The following CYYR1 variants were observed in gnomAD, a reference collection of about 807,000 sequenced individuals.
CYYR1 encodes the protein cysteine and tyrosine rich 1, also known as cysteine and tyrosine-rich protein 1.
CYYR1 carries 14 observed loss-of-function variants against 15.2 expected under a neutral mutation model. The observed-to-expected ratio is 0.92, with a 90% CI of 0.61 to 1.44. The LOEUF is 1.44. CYYR1 is among the 40% of genes most tolerant of loss of function. The pLI, the probability that CYYR1 is intolerant of heterozygous loss-of-function variation, is 0.00. For synonymous variants in CYYR1, 80 were observed against 77.4 expected (o/e 1.03, Z -0.18); for missense variants, 228 against 209.5 (o/e 1.09, Z -0.54).
chr21:26,564,439 T>G (rs980154137), intron 2 of CYYR1, among the ~76,000 whole-genome samples: 3 of 152,104 alleles, frequency 2.0e-5, no homozygotes, highest in African/African-American at 4.8e-5. Flanking sequence ...GAAACACGAT[T>G]TTTTCCCCCA....
intron 2 of CYYR1, among the ~76,000 whole-genome samples, chr21:26,533,850 T>G (rs1013323811): frequency 6.6e-6 from 1 of 152,088 alleles, no homozygotes; most frequent in East Asian, 1.9e-4. Context: ...AAACACAAAT[T>G]TACATAAAAA....
At chr21:26,564,846 G>A in intron 2 of CYYR1, 1 of 1,183,952 alleles carries the variant, frequency 8.4e-7, no homozygotes, top group Non-Finnish European at 1.1e-6. Flanking sequence ...GAGACAGTTT[G>A]AGAAAAAAAA....
chr21:26,546,125 T>C (rs1978961288), intron 2 of CYYR1, among the ~76,000 whole-genome samples: 1 of 152,214 alleles, frequency 6.6e-6, no homozygotes, highest in Non-Finnish European at 1.5e-5. Flanking sequence ...TCCTCTAACA[T>C]GATGGATTGT....
intron 1 of CYYR1, among the ~76,000 whole-genome samples, chr21:26,569,892 C>T (rs530520207): frequency 6.6e-6 from 1 of 152,304 alleles, no homozygotes; most frequent in Non-Finnish European, 1.5e-5. Context: ...TGGATTATAC[C>T]TGCAGCAAAC....
intron 2 of CYYR1, among the ~76,000 whole-genome samples, chr21:26,491,037 T>C (rs577470607): frequency 2.0e-5 from 3 of 152,280 alleles, no homozygotes; most frequent in East Asian, 3.9e-4. Flanking sequence ...CTATGGGTGA[T>C]TGCATTCTGC....
intron 2 of CYYR1, among the ~76,000 whole-genome samples, chr21:26,513,735 G>T (rs2065682297): frequency 6.6e-6 from 1 of 152,038 alleles, no homozygotes; most frequent in Admixed American, 6.6e-5. Context: ...GTCTTAGAAA[G>T]ATCAGGGCTC....
In CYYR1 at chr21:26,537,271, A is replaced by AG. The variant is rs879019138; in HGVS notation, c.176+28994dup. Among the ~76,000 whole-genome samples, 13 of 152,294 alleles carry AG rather than the reference A, an allele frequency of 8.5e-5. No individual in the cohort carries two copies. In the South Asian group the frequency reaches 2.7e-3, roughly 32 times the overall value. On this transcript the variant is annotated intron_variant, in intron 2 of 3. Transcript: ENST00000652641. ...CCAGTGAACTCATGCATAAGGTAAA[A>AG]GCTCAGACCTTAAGGGATACAAGTC...
intron 2 of CYYR1, chr21:26,550,791 G>C (rs769762242): frequency 6.6e-6 from 1 of 152,192 alleles, no homozygotes; most frequent in Non-Finnish European, 1.5e-5. Context: ...AACATACAAC[G>C]CGAAGCAACA....
At chr21:26,487,784 G>A (rs2123428804) in intron 2 of CYYR1, among the ~76,000 whole-genome samples, 1 of 151,758 alleles carries the variant, frequency 6.6e-6, no homozygotes, top group South Asian at 2.1e-4. Flanking sequence ...ATGTATACGT[G>A]TATCAGATAA....
At chr21:26,525,724 AC>A (rs1175699373) in intron 2 of CYYR1, among the ~76,000 whole-genome samples, 1 of 152,080 alleles carries the variant, frequency 6.6e-6, no homozygotes, top group African/African-American at 2.4e-5. Flanking sequence ...GGGCTATCTG[AC>A]CCCCCAAATC....
At chr21:26,499,333 G>T (rs1019769681) in intron 2 of CYYR1, among the ~76,000 whole-genome samples, 2 of 152,212 alleles carry the variant, frequency 1.3e-5, no homozygotes, top group Non-Finnish European at 2.9e-5. Flanking sequence ...TAGAGGCAGA[G>T]ATTTCAGCAT....
At chr21:26,534,530 G>C (rs907769775) in intron 2 of CYYR1, among the ~76,000 whole-genome samples, 2 of 152,070 alleles carry the variant, frequency 1.3e-5, no homozygotes, top group African/African-American at 4.8e-5. Flanking sequence ...GCCTGGCACA[G>C]GAGACTGGAG....
intron 2 of CYYR1, among the ~76,000 whole-genome samples, chr21:26,498,096 T>G (rs896345982): frequency 6.6e-6 from 1 of 152,214 alleles, no homozygotes; most frequent in Non-Finnish European, 1.5e-5. Context: ...TCTTCATATA[T>G]TCACTTACTA....
At chr21:26,483,696 C>T (rs1300525390) in intron 2 of CYYR1, among the ~76,000 whole-genome samples, 4 of 152,072 alleles carry the variant, frequency 2.6e-5, no homozygotes, top group Admixed American at 6.6e-5. Flanking sequence ...TTCGCTTTGT[C>T]GGCTGTCTTT....
chr21:26,506,075 C>CA (rs2065557299), intron 2 of CYYR1, among the ~76,000 whole-genome samples: 1 of 152,166 alleles, frequency 6.6e-6, no homozygotes, highest in Admixed American at 6.5e-5. Context: ...TCCGTCATCT[C>CA]AATAGGCCCA....
chr21:26,564,812 T>A, intron 2 of CYYR1: 1 of 1,249,390 alleles, frequency 8.0e-7, no homozygotes, highest in South Asian at 1.4e-5. Flanking sequence ...CACCTCTACC[T>A]GGGACAGCAG....
At position 26,573,139 on chromosome 21, in the gene CYYR1, C is replaced by T; in HGVS notation, c.-199G>A. ...CCAGCGACTGCGGGACTCCGCGGAG[C>T]TGGGGCGCCCGTGGCCCGAGACGGG... On this transcript the variant is annotated 5_prime_UTR_variant, in exon 1 of 4. Transcript: ENST00000652641. 6.7e-7 allele frequency: 1 copy of T among 1,495,560 alleles called. No homozygotes were observed. The highest frequency in any genetic ancestry group is 8.9e-7 in the Non-Finnish European group (1 of 1,127,398). The allele number at this position is 1,495,560 out of a possible 1,614,324, so 92.6% of individuals were successfully genotyped here. A position where few individuals can be genotyped will look rare whatever the true frequency, so the allele number is the denominator to read the frequency against.
At chr21:26,473,450 A>T (rs2065061369) in intron 3 of CYYR1, among the ~76,000 whole-genome samples, 1 of 152,104 alleles carries the variant, frequency 6.6e-6, no homozygotes, top group Admixed American at 6.5e-5. Context: ...CATCAAGACA[A>T]ATTCCATCAA....
intron 2 of CYYR1, among the ~76,000 whole-genome samples, chr21:26,537,792 A>G (rs1188060750): frequency 2.0e-5 from 3 of 152,106 alleles, no homozygotes; most frequent in Non-Finnish European, 4.4e-5. Context: ...ATTTGATGGT[A>G]TCAGGAGGTG....
Sources: allele counts gnomAD v4.1 joint callset (sites outside exome capture counted in the v4.1 genomes callset), GRCh38; gene constraint gnomAD v4.1.1; transcripts MANE v1.5; gene names NCBI Gene and HGNC (gene_info 2026-07-23, HGNC 2026-07-21).